The following GALNT17 variants were observed in gnomAD, a reference collection of about 807,000 sequenced individuals.
GALNT17 encodes polypeptide N-acetylgalactosaminyltransferase 17.
A neutral mutation model predicts 63.7 loss-of-function variants in GALNT17; 29 were observed. That is an observed-to-expected ratio of 0.46 (90% CI 0.34 to 0.62). The LOEUF is 0.62. GALNT17 is among the 20% of genes least tolerant of loss of function. GALNT17 has a pLI of 0.01. For missense variants in GALNT17, 603 were observed against 799.6 expected, an observed-to-expected ratio of 0.75 and a Z score of 2.97; for synonymous variants, 305 against 318.3, an observed-to-expected ratio of 0.96 and a Z score of 0.45.
intron 1 of GALNT17, 42 bp downstream of exon 1, chr7:71,133,082 G>C: frequency 2.0e-6 from 3 of 1,470,246 alleles, no homozygotes; most frequent in Non-Finnish European, 2.7e-6. Flanking sequence ...GACGCGGGCG[G>C]GCCGGGCACA....
At chr7:71,613,241 A>C (rs1790150948) in intron 6 of GALNT17, among the ~76,000 whole-genome samples, 1 of 152,234 alleles carries the variant, frequency 6.6e-6, no homozygotes. Flanking sequence ...GTATGTGATA[A>C]AAATTTAAAA....
At chr7:71,154,866 G>A (rs1240496768) in intron 1 of GALNT17, among the ~76,000 whole-genome samples, 4 of 151,842 alleles carry the variant, frequency 2.6e-5, no homozygotes, top group African/African-American at 4.9e-5. Flanking sequence ...GTGAGCCACC[G>A]CGCCCGGCCA....
At chr7:71,161,703 T>G (rs2116252066) in intron 1 of GALNT17, among the ~76,000 whole-genome samples, 1 of 152,360 alleles carries the variant, frequency 6.6e-6, no homozygotes, top group African/African-American at 2.4e-5. Flanking sequence ...ATTGAGTTTC[T>G]AACTTGATCA....
In GALNT17 at chr7:71,415,979, T is replaced by TCCG; in HGVS notation, c.682_684dup (p.Arg228dup). On this transcript the variant is annotated inframe_insertion, in exon 4 of 11. Coordinates refer to ENST00000333538, the MANE Select transcript of GALNT17 (RefSeq NM_022479.3). ...AGAAATCAGAAGAGGGAAGGCCTGA[T>TCCG]CCGCGCTCGCATTGAGGGCTGGAAG... 6.2e-7 allele frequency: 1 copy of TCCG among 1,613,916 alleles called. No individual in the cohort carries two copies. Among genetic ancestry groups the TCCG allele is most frequent in the Non-Finnish European group, 8.5e-7 (1 of 1,179,906 alleles).
intron 2 of GALNT17, among the ~76,000 whole-genome samples, chr7:71,340,894 T>G (rs1277622024): frequency 6.6e-6 from 1 of 151,940 alleles, no homozygotes; most frequent in African/African-American, 2.4e-5. Flanking sequence ...AAAAATTAGC[T>G]GGGCATAGTG....
At chr7:71,682,245 A>G (rs1430943130) in intron 9 of GALNT17, among the ~76,000 whole-genome samples, 1 of 152,102 alleles carries the variant, frequency 6.6e-6, no homozygotes, top group African/African-American at 2.4e-5. Flanking sequence ...AGGTTTTTAA[A>G]GCCACTCAGG....
At chr7:71,673,921 C>A (rs1419939488) in intron 8 of GALNT17, among the ~76,000 whole-genome samples, 1 of 152,214 alleles carries the variant, frequency 6.6e-6, no homozygotes, top group Non-Finnish European at 1.5e-5. Flanking sequence ...GGCTAGAAGG[C>A]TGCCAGAGCT....
chr7:71,693,249 TACACACACACACATAC>T (rs1414032387), intron 9 of GALNT17, among the ~76,000 whole-genome samples: 14 of 124,348 alleles, frequency 1.1e-4, no homozygotes, highest in South Asian at 3.1e-4. Context: ...CACATATATA[TACACACACACACATAC>T]ACACACACAC....
chr7:71,689,125 T>C (rs1305836482), intron 9 of GALNT17, among the ~76,000 whole-genome samples: 3 of 151,976 alleles, frequency 2.0e-5, no homozygotes, highest in Admixed American at 2.0e-4. Context: ...ATCATAAATG[T>C]TGTGTGTGTT....
intron 6 of GALNT17, among the ~76,000 whole-genome samples, chr7:71,656,398 A>G (rs1427010265): frequency 6.6e-6 from 1 of 152,136 alleles, no homozygotes; most frequent in Non-Finnish European, 1.5e-5. Context: ...GGAATGGGGC[A>G]CAGGGGAGGA....
chr7:71,256,349 A>G (rs1790289643), intron 1 of GALNT17, among the ~76,000 whole-genome samples: 1 of 152,192 alleles, frequency 6.6e-6, no homozygotes, highest in African/African-American at 2.4e-5. Context: ...AGGCAGGTGG[A>G]TCATTTGAGG....
At chr7:71,369,077 A>G (rs1792568454) in intron 2 of GALNT17, among the ~76,000 whole-genome samples, 1 of 152,224 alleles carries the variant, frequency 6.6e-6, no homozygotes, top group Non-Finnish European at 1.5e-5. Context: ...GAGGGGAATC[A>G]GTATTTCTAC....
chr7:71,354,348 T>C (rs1398574382), intron 2 of GALNT17, among the ~76,000 whole-genome samples: 1 of 152,200 alleles, frequency 6.6e-6, no homozygotes, highest in Non-Finnish European at 1.5e-5. Flanking sequence ...AGTAAGATGC[T>C]ATCTCTATGG....
chr7:71,198,094 A>C (rs188220723), intron 1 of GALNT17, among the ~76,000 whole-genome samples: 8 of 150,584 alleles, frequency 5.3e-5, no homozygotes, highest in African/African-American at 2.0e-4. Context: ...GCTACTCGGG[A>C]GGCTGAGGCA....
chr7:71,668,516 CAAAA>C (rs56329930), intron 7 of GALNT17, among the ~76,000 whole-genome samples: 50 of 62,960 alleles, frequency 7.9e-4, no homozygotes, highest in African/African-American at 2.2e-3. Context: ...GACACCATCT[CAAAA>C]AAAAAAAAAA....
At chr7:71,248,178 AG>A (rs1345017431) in intron 1 of GALNT17, among the ~76,000 whole-genome samples, 4 of 152,352 alleles carry the variant, frequency 2.6e-5, no homozygotes, top group Admixed American at 2.6e-4. Context: ...ACAAGGTGGC[AG>A]AAAAGACAGA....
chr7:71,445,895 A>G (rs1787152982), intron 5 of GALNT17, among the ~76,000 whole-genome samples: 1 of 152,158 alleles, frequency 6.6e-6, no homozygotes, highest in Non-Finnish European at 1.5e-5. Context: ...GGCCTCCCAA[A>G]GTGCTGGTAT....
At chr7:71,134,987 G>A (rs1482788998) in intron 1 of GALNT17, among the ~76,000 whole-genome samples, 3 of 151,876 alleles carry the variant, frequency 2.0e-5, no homozygotes, top group Non-Finnish European at 2.9e-5. Flanking sequence ...AAGTAGCTGG[G>A]TCTACAAGTG....
intron 6 of GALNT17, among the ~76,000 whole-genome samples, chr7:71,592,435 C>T (rs1339679020): frequency 6.6e-6 from 1 of 151,202 alleles, no homozygotes; most frequent in Admixed American, 6.6e-5. Context: ...GCAGAGGTTG[C>T]AGTGAGCTGA....
Sources: gnomAD v4.1 joint callset for allele counts (sites outside exome capture counted in the v4.1 genomes callset) on GRCh38, gnomAD v4.1.1 for gene constraint, MANE v1.5 for transcripts, NCBI Gene and HGNC (gene_info 2026-07-23, HGNC 2026-07-21) for gene names.